The following SULF2 variants were observed in gnomAD, a reference collection of about 807,000 sequenced individuals.
SULF2 encodes extracellular sulfatase Sulf-2.
SULF2 carries 52 observed loss-of-function variants against 107.7 expected under a neutral mutation model. The ratio of observed to expected loss-of-function variants is 0.48; its 90% CI spans 0.39 to 0.61. The LOEUF (loss-of-function observed/expected upper bound fraction) is 0.61, where lower values mean the gene tolerates loss of function less well. Ranked by LOEUF, SULF2 falls within the 20% of genes least tolerant of loss-of-function variation. The pLI is 0.00. For missense variants in SULF2, 993 were observed against 1,177.3 expected, an observed-to-expected ratio of 0.84 and a Z score of 2.29; for synonymous variants, 460 against 464.3, an observed-to-expected ratio of 0.99 and a Z score of 0.12.
intron 1 of SULF2, 47 bp from the exon 2 acceptor site, chr20:47,757,510 G>A (rs925532182): frequency 2.7e-5 from 25 of 925,968 alleles, no homozygotes; most frequent in East Asian, 1.1e-4. Context: ...CAAGGCTGCC[G>A]GCTGCTCATT....
intron 9 of SULF2, 27 bp downstream of exon 9, chr20:47,677,051 G>A (rs760807516): frequency 6.2e-7 from 1 of 1,610,732 alleles, no homozygotes; most frequent in African/African-American, 1.3e-5. Context: ...GTGGGCAGGG[G>A]TGTCCCTCCC....
At chr20:47,698,800 G>C (rs1377103559) in intron 4 of SULF2, among the ~76,000 whole-genome samples, 1 of 152,142 alleles carries the variant, frequency 6.6e-6, no homozygotes, top group Admixed American at 6.5e-5. Context: ...GGGAGGCTGA[G>C]GTGGGTGGAT....
At chr20:47,691,628 T>A (rs2088199547) in intron 4 of SULF2, among the ~76,000 whole-genome samples, 1 of 152,158 alleles carries the variant, frequency 6.6e-6, no homozygotes, top group South Asian at 2.1e-4. Context: ...GTGCTTGCCA[T>A]GTGCTCTAAA....
rs369001480 is a variant in SULF2, at chr20:47,663,007, G to T, written c.2370+63C>A. The T allele has an allele frequency of 5.6e-5, 89 of 1,588,168 alleles. No individual in the cohort carries two copies. In the African/African-American group the frequency reaches 9.8e-4, roughly 18 times the overall value. On this transcript the variant is annotated intron_variant, in intron 17 of 20. Transcript: ENST00000688720. Reference sequence around the variant, plus strand: ...GTCATCACTTCCCTGAGGTTGGGGGGGGCCTACCTGGCAGCACTGGTGTAC... The same window carrying T: ...GTCATCACTTCCCTGAGGTTGGGGGTGGCCTACCTGGCAGCACTGGTGTAC...
intron 2 of SULF2, among the ~76,000 whole-genome samples, chr20:47,750,110 T>C (rs2090129283): frequency 6.6e-6 from 1 of 152,184 alleles, no homozygotes; most frequent in South Asian, 2.1e-4. Flanking sequence ...GCCTCCCGAG[T>C]AGCTGGGACT....
chr20:47,731,195 T>TTTTTTTTTTTTATTTATTTA (rs1568871883), intron 3 of SULF2, among the ~76,000 whole-genome samples: 27 of 103,186 alleles, frequency 2.6e-4, no homozygotes, highest in African/African-American at 9.6e-4. Flanking sequence ...CTCTTTTTTT[T>TTTTTTTTTTTTATTTATTTA]TTTTTTTTTT....
chr20:47,747,045 T>C (rs1451341507), intron 2 of SULF2, among the ~76,000 whole-genome samples: 1 of 142,798 alleles, frequency 7.0e-6, no homozygotes, highest in South Asian at 2.3e-4. Flanking sequence ...AAAAAGGGAA[T>C]CTCTTATTTT....
At chr20:47,707,628 A>AC (rs1242213038) in intron 3 of SULF2, among the ~76,000 whole-genome samples, 9 of 151,074 alleles carry the variant, frequency 6.0e-5, no homozygotes, top group Middle Eastern at 3.4e-3. Context: ...AGATATGCGG[A>AC]CCCCCCCAGC....
intron 5 of SULF2, chr20:47,685,224 G>A (rs1206513933): frequency 6.6e-6 from 1 of 152,198 alleles, no homozygotes; most frequent in East Asian, 1.9e-4. Flanking sequence ...TTTGGGACAT[G>A]CCACATTCTT....
At chr20:47,764,197 C>G (rs2090478098) in intron 1 of SULF2, among the ~76,000 whole-genome samples, 1 of 152,258 alleles carries the variant, frequency 6.6e-6, no homozygotes, top group Non-Finnish European at 1.5e-5. Context: ...CTCTGCCCTC[C>G]CCAGTAGCAC....
intron 7 of SULF2, among the ~76,000 whole-genome samples, chr20:47,679,637 C>G (rs942813906): frequency 1.2e-4 from 18 of 152,192 alleles, no homozygotes; most frequent in Non-Finnish European, 1.9e-4. Flanking sequence ...GCCCCATGAG[C>G]AGGGACGCAG....
At chr20:47,733,509 A>AT (rs2089662402) in intron 3 of SULF2, among the ~76,000 whole-genome samples, 1 of 152,266 alleles carries the variant, frequency 6.6e-6, no homozygotes, top group Non-Finnish European at 1.5e-5. Context: ...GCGTTGGCTC[A>AT]TGCATGTAAT....
At chr20:47,786,140 C>T (rs2122810181), upstream of SULF2, 1 of 152,378 alleles carries the variant, frequency 6.6e-6, no homozygotes, top group East Asian at 1.9e-4. Flanking sequence ...GGAAGCGAGC[C>T]AGAGCCTTGT....
chr20:47,773,462 GCACAATGAAACCAA>G (rs2090668623), intron 1 of SULF2, among the ~76,000 whole-genome samples: 1 of 152,246 alleles, frequency 6.6e-6, no homozygotes, highest in South Asian at 2.1e-4. Flanking sequence ...GTGGGAATGT[GCACAATGAAACCAA>G]CATGGTGCAG....
Position 47,779,110 on chromosome 20 carries a change from C to T in SULF2, c.-101+6233G>A, listed in dbSNP as rs116307834. Among the ~76,000 whole-genome samples, 1,021 of 152,258 alleles carry T rather than the reference C, an allele frequency of 6.7e-3. 6 individuals carry two copies. Among genetic ancestry groups the T allele is most frequent in the African/African-American group, 0.023 (941 of 41,536 alleles). On this transcript the variant is annotated intron_variant, in intron 1 of 20. Coordinates refer to ENST00000688720, the MANE Select transcript of SULF2 (RefSeq NM_001387048.1). ...TATCTTCCCTATTTAGCAATCACCA[C>T]GCACCAGGCTGCCTAGTCACCTTTG...
Position 47,683,089 on chromosome 20 carries a change from G to A in SULF2, c.969C>T (p.Gly323=). The change falls in exon 7 of 21, where the codon GGC becomes GGT. Residue 323 remains glycine, a synonymous_variant. Transcript: ENST00000688720. ...ATTTCCCTTTCACCAGGCCAAACTG[G>A]CCGATGTGGTAACCGTGGTCGGCGG... is the stretch of plus-strand genomic sequence containing the variant. ...VYTADHGYHI[G]QFGLVKGKSM... is the part of the protein sequence containing the mutation. 6.2e-7 allele frequency: 1 copy of A among 1,613,696 alleles called. No homozygotes were observed.
chr20:47,774,150 G>A (rs925098104), intron 1 of SULF2, among the ~76,000 whole-genome samples: 3 of 152,238 alleles, frequency 2.0e-5, no homozygotes, highest in African/African-American at 4.8e-5. Context: ...AGATGCGAGT[G>A]GAGTGCCTTT....
At chr20:47,712,811 A>T (rs1376860126) in intron 3 of SULF2, among the ~76,000 whole-genome samples, 1 of 152,214 alleles carries the variant, frequency 6.6e-6, no homozygotes, top group Non-Finnish European at 1.5e-5. Flanking sequence ...AGATGGGCAG[A>T]TTGCTTGAGC....
chr20:47,720,548 C>CTTTTT (rs11303096), intron 3 of SULF2, among the ~76,000 whole-genome samples: 1 of 143,364 alleles, frequency 7.0e-6, no homozygotes, highest in African/African-American at 2.6e-5. Context: ...CTATCATAAT[C>CTTTTT]TTTTTTTTTT....
Sources: allele counts gnomAD v4.1 joint callset (sites outside exome capture counted in the v4.1 genomes callset), GRCh38; gene constraint gnomAD v4.1.1; transcripts MANE v1.5; gene names NCBI Gene and HGNC (gene_info 2026-07-23, HGNC 2026-07-21).